ODF2: variants seen among roughly 807,000 people sequenced by gnomAD.
ODF2 encodes outer dense fiber of sperm tails 2.
A neutral mutation model predicts 110.2 loss-of-function variants in ODF2; 47 were observed. That is an observed-to-expected ratio of 0.43 (90% CI 0.34 to 0.54). The LOEUF is 0.54. Ranked by LOEUF, ODF2 falls within the 20% of genes least tolerant of loss-of-function variation. The probability of loss-of-function intolerance (pLI) is 0.03; values close to 1 mark genes in which losing one functional copy is unlikely to be tolerated. For missense variants in ODF2, 812 were observed against 1,054.5 expected (o/e 0.77, Z 3.19); for synonymous variants, 352 against 397.7 (o/e 0.89, Z 1.37).
At chr9:128,492,626 G>T (rs1374210203) in intron 15 of ODF2, 75 bp from the exon 16 acceptor site, 1 of 1,540,164 alleles carries the variant, frequency 6.5e-7, no homozygotes, top group South Asian at 1.1e-5. Flanking sequence ...CTCCCAGGGA[G>T]GGTTGGGTAT....
chr9:128,492,010 C>T (rs533067812), intron 14 of ODF2, among the ~76,000 whole-genome samples: 16 of 151,922 alleles, frequency 1.1e-4, no homozygotes, highest in African/African-American at 2.9e-4. Context: ...GGACTACAGG[C>T]GCCCGCCACC....
chr9:128,494,040 G>C lies in ODF2; in HGVS notation c.1753-470G>C, dbSNP rs149774147. On this transcript the variant is annotated intron_variant, in intron 16 of 20. Coordinates refer to ENST00000604420, the Ensembl canonical transcript of ODF2. The surrounding 1 kb of genome is among the most constrained non-coding windows in gnomAD (Gnocchi z 4.6). ...GAACTCCTGACCTCAAATAATCTGC[G>C]CCCCTTGGCTTTCCAGAGTGCTAGA... 1.4e-5 allele frequency among the ~76,000 whole-genome samples: 1 copy of C among 70,976 alleles called. No individual in the cohort carries two copies. The highest frequency in any genetic ancestry group is 4.2e-4 in the East Asian group (1 of 2,406). 46.6% of individuals were successfully genotyped at this position (70,976 alleles called of 152,430 possible). A position where few individuals can be genotyped will look rare whatever the true frequency, so the allele number is the denominator to read the frequency against.
intron 4 of ODF2, chr9:128,468,826 C>G (rs1201113907): frequency 5.2e-6 from 1 of 193,340 alleles, no homozygotes; most frequent in African/African-American, 2.4e-5. Flanking sequence ...CCAGCGCTAG[C>G]TAATTCTTTT....
intron 14 of ODF2, 112 bp downstream of exon 14, chr9:128,488,137 C>G: frequency 1.5e-6 from 2 of 1,307,208 alleles, no homozygotes; most frequent in Non-Finnish European, 2.1e-6. Flanking sequence ...GTCAGAAAAG[C>G]CTGGATTTGA....
chr9:128,457,362 C>G (rs972665072), exon 2 of ODF2: 3 of 1,612,118 alleles, frequency 1.9e-6, no homozygotes, highest in Non-Finnish European at 1.7e-6. Flanking sequence ...CTGAGCAGAG[C>G]CTGCTGACCC....
chr9:128,484,786 G>A lies in ODF2; in HGVS notation c.1190G>A (p.Arg397Gln), dbSNP rs760023903. Reference sequence around the variant, plus strand: ...AAGGAGTTGAAGCAGAAGGGAGACCGAGACAAAGAGAGCTTGAAGAAGGCC... The same window carrying A: ...AAGGAGTTGAAGCAGAAGGGAGACCAAGACAAAGAGAGCTTGAAGAAGGCC... Residue 397 changes from arginine (R) to glutamine (Q), a missense_variant, in exon 12 of 21, where the codon CGA (arginine) becomes CAA (glutamine). Arg to Gln is a conservative substitution (Grantham distance 43, BLOSUM62 1). Around this residue, in one of 5 missense-constraint regions of ODF2, gnomAD observed 73 missense variants for 71.0 expected, o/e 1.03. Coordinates refer to ENST00000604420, the Ensembl canonical transcript of ODF2. The A allele has an allele frequency of 2.5e-6, 4 of 1,612,914 alleles. No homozygotes were observed. The African/African-American group carries it at 5.3e-5, about 21-fold the overall frequency.
chr9:128,472,710 G>A lies in ODF2; in HGVS notation c.582-203G>A, dbSNP rs74520890. Among the ~76,000 whole-genome samples, 1,461 of 152,280 alleles carry A rather than the reference G, an allele frequency of 9.6e-3. 32 individuals are homozygous for A. Among genetic ancestry groups the A allele is most frequent in the East Asian group, 0.073 (380 of 5,174 alleles). The stretch of plus-strand genomic sequence containing the variant: ...GGTAGCTAATGTCTCCTGGTGTGGA[G>A]GCCCTGGTCTGGTGCCCAGGCAGAT... On this transcript the variant is annotated intron_variant, in intron 6 of 20. Transcript: ENST00000604420.
intron 20 of ODF2, among the ~76,000 whole-genome samples, chr9:128,499,382 T>C (rs1254475471): frequency 1.3e-5 from 2 of 151,932 alleles, no homozygotes; most frequent in Middle Eastern, 3.2e-3. Flanking sequence ...GCCTCCTGGT[T>C]TCATATGATC....
intron 16 of ODF2, among the ~76,000 whole-genome samples, chr9:128,493,287 A>G (rs928309582): frequency 1.1e-4 from 17 of 152,180 alleles, no homozygotes; most frequent in African/African-American, 4.1e-4. Context: ...CGGAAGGCTG[A>G]GGCAGGAGAA....
At chr9:128,455,215 C>T (rs149189122), upstream of ODF2, 5,363 of 1,535,364 alleles carry the variant, frequency 3.5e-3, 12 homozygotes, top group Admixed American at 8.1e-3. Flanking sequence ...CCAGCAAGGA[C>T]CTCATCAGAA....
At chr9:128,492,717 T>G in exon 16 of ODF2, 2 of 1,614,154 alleles carry the variant, frequency 1.2e-6, no homozygotes, top group Non-Finnish European at 1.7e-6. Flanking sequence ...AAGACCAGAT[T>G]GGAGGCTGAT....
At chr9:128,467,022 T>A (rs1357619213) in intron 4 of ODF2, among the ~76,000 whole-genome samples, 4 of 43,248 alleles carry the variant, frequency 9.2e-5, no homozygotes, top group African/African-American at 5.4e-4. Flanking sequence ...AAAATATATA[T>A]ATATATATAT....
At chr9:128,489,121 CTCG>C (rs1844017922) in intron 14 of ODF2, among the ~76,000 whole-genome samples, 1 of 152,218 alleles carries the variant, frequency 6.6e-6, no homozygotes. Context: ...CCGAGTCTGA[CTCG>C]AGCCCTAGCT....
At chr9:128,468,009 A>G (rs1838746580) in intron 4 of ODF2, among the ~76,000 whole-genome samples, 1 of 152,058 alleles carries the variant, frequency 6.6e-6, no homozygotes, top group Non-Finnish European at 1.5e-5. Flanking sequence ...AATATTTTTT[A>G]TACTGACGTA....
In ODF2 at chr9:128,485,684, C is replaced by T. The variant is rs1286957287; in HGVS notation, c.1400+210C>T. 1.3e-5 allele frequency among the ~76,000 whole-genome samples: 2 copies of T among 152,142 alleles called. No individual in the cohort carries two copies. Among genetic ancestry groups the T allele is most frequent in the African/African-American group, 4.8e-5 (2 of 41,420 alleles). On this transcript the variant is annotated intron_variant, in intron 13 of 20. Coordinates refer to ENST00000604420, the Ensembl canonical transcript of ODF2. This position sits in a 1 kb window ranked among gnomAD's most constrained non-coding sequence, Gnocchi z 5.0. ...CTCTGGCCCTAGTCCTGGGGTCCTA[C>T]CCTACTGTCAGGCACTGGCTAGGGG...
At chr9:128,480,391 TTGTG>T (rs1292658832) in intron 8 of ODF2, among the ~76,000 whole-genome samples, 2 of 152,192 alleles carry the variant, frequency 1.3e-5, no homozygotes, top group African/African-American at 4.8e-5. Flanking sequence ...GGTTACCTTT[TTGTG>T]TGTGTGTGGT....
At chr9:128,483,195 A>G (rs1378121601) in intron 10 of ODF2, among the ~76,000 whole-genome samples, 1 of 151,868 alleles carries the variant, frequency 6.6e-6, no homozygotes, top group Admixed American at 6.6e-5. Context: ...GCCCAGCCGC[A>G]GTTGTGCATT....
At chr9:128,497,313 C>T (rs550251645) in intron 18 of ODF2, among the ~76,000 whole-genome samples, 4 of 146,206 alleles carry the variant, frequency 2.7e-5, no homozygotes, top group African/African-American at 5.0e-5. Context: ...AGAGGCCGGG[C>T]GTGGTGTCTC....
intron 18 of ODF2, 41 bp from the exon 19 acceptor site, chr9:128,498,372 G>C (rs759437867): frequency 2.5e-5 from 38 of 1,495,568 alleles, no homozygotes; most frequent in Non-Finnish European, 3.3e-5. Flanking sequence ...AACATGACAG[G>C]TTGGGGTATG....
Sources: gnomAD v4.1 joint callset for allele counts (sites outside exome capture counted in the v4.1 genomes callset) on GRCh38, gnomAD v4.1.1 for gene constraint, gnomAD v4.1.1 regional missense constraint, Gnocchi (gnomAD v3.1) non-coding constraint, MANE v1.5 for transcripts, NCBI Gene and HGNC (gene_info 2026-07-23, HGNC 2026-07-21) for gene names.